Variants in MPDZ observed in about 807,000 individuals in gnomAD.
MPDZ encodes the protein multiple PDZ domain crumbs cell polarity complex component.
A neutral mutation model predicts 239.1 loss-of-function variants in MPDZ; 234 were observed. The observed-to-expected ratio is 0.98, with a 90% CI of 0.88 to 1.09. The LOEUF (loss-of-function observed/expected upper bound fraction) is 1.09, where lower values mean the gene tolerates loss of function less well. MPDZ is among the 50% of genes least tolerant of loss of function. The pLI is 0.00. For synonymous variants in MPDZ, 1,048 were observed against 881.3 expected (o/e 1.19, Z -3.35); for missense variants, 3,175 against 2,510.0 (o/e 1.26, Z -5.66).
rs1964199749 is a variant in MPDZ, at chr9:13,236,904, G to T, written c.183+10731C>A. Among the ~76,000 whole-genome samples, 3 of 150,660 alleles carry T rather than the reference G, an allele frequency of 2.0e-5. No homozygotes were observed. In the South Asian group the frequency reaches 6.3e-4, roughly 32 times the overall value. ...GAGATCCTAATTTCAAAAATAATGGGTTATTTTTTCAAATACGTTTGATCT... is the reference window on the plus strand; with the variant it reads ...GAGATCCTAATTTCAAAAATAATGGTTTATTTTTTCAAATACGTTTGATCT... On this transcript the variant is annotated intron_variant, in intron 3 of 46. Coordinates refer to ENST00000319217, the MANE Select transcript of MPDZ (RefSeq NM_001378778.1).
intron 1 of MPDZ, among the ~76,000 whole-genome samples, chr9:13,278,108 G>C (rs1248965743): frequency 1.3e-5 from 2 of 152,140 alleles, no homozygotes; most frequent in East Asian, 3.9e-4. Flanking sequence ...GAAACACGAA[G>C]GGGATGTTTA....
At chr9:13,127,040 T>C (rs1945225678) in intron 32 of MPDZ, among the ~76,000 whole-genome samples, 1 of 152,222 alleles carries the variant, frequency 6.6e-6, no homozygotes, top group Non-Finnish European at 1.5e-5. Flanking sequence ...TAGCAAAATA[T>C]CTAGACAGCA....
At chr9:13,121,083 C>CAT (rs1325919695) in intron 38 of MPDZ, among the ~76,000 whole-genome samples, 1 of 152,176 alleles carries the variant, frequency 6.6e-6, no homozygotes, top group Non-Finnish European at 1.5e-5. Flanking sequence ...AAAATGTACT[C>CAT]ATATACAAAT....
chr9:13,193,806 A>G (rs1426998841), intron 13 of MPDZ, among the ~76,000 whole-genome samples: 23 of 152,170 alleles, frequency 1.5e-4, no homozygotes, highest in Non-Finnish European at 7.3e-5. Context: ...AATATTAGAA[A>G]GCTGTTCATT....
chr9:13,115,328 G>C lies in MPDZ; in HGVS notation c.5386C>G (p.Leu1796Val). The change falls in exon 40 of 47, where the codon CTA (leucine) becomes GTA (valine). Residue 1796 changes from leucine (L) to valine (V), a missense_variant. Leu to Val is a conservative substitution (Grantham distance 32, BLOSUM62 1). Transcript: ENST00000319217. ...EAVAALLKCS[L>V]GTVTLEVGRI... The stretch of plus-strand genomic sequence containing the variant: ...CCAACTTCCAAGGTTACTGTGCCTA[G>C]GGAACACTGGGGGTGGGCATGGGGG... 6.2e-7 allele frequency: 1 copy of C among 1,612,382 alleles called. No individual in the cohort carries two copies. Among genetic ancestry groups the C allele is most frequent in the Non-Finnish European group, 8.5e-7 (1 of 1,179,576 alleles).
chr9:13,263,851 A>G (rs1056343352), intron 1 of MPDZ, among the ~76,000 whole-genome samples: 2 of 152,228 alleles, frequency 1.3e-5, no homozygotes, highest in Admixed American at 1.3e-4. Context: ...TAAAACTTAT[A>G]TATCTTCTAT....
Position 13,188,690 on chromosome 9 carries a change from C to T in MPDZ, c.2364+94G>A, listed in dbSNP as rs137881107. 428 of 1,022,468 alleles carry T rather than the reference C, an allele frequency of 4.2e-4. 2 individuals carry two copies. In the East Asian group the frequency reaches 4.4e-3, roughly 11 times the overall value. 63.3% of individuals were successfully genotyped at this position (1,022,468 alleles called of 1,614,324 possible). A position where few individuals can be genotyped will look rare whatever the true frequency, so the allele number is the denominator to read the frequency against. ...CGTTGATGAAAACTACTAAAAGTCA[C>T]GATTCAATCATGAGAACACCTAAAG... On this transcript the variant is annotated intron_variant, in intron 17 of 46. Transcript: ENST00000319217.
chr9:13,109,312 C>T (rs1183352742), intron 45 of MPDZ, among the ~76,000 whole-genome samples: 1 of 152,088 alleles, frequency 6.6e-6, no homozygotes, highest in Non-Finnish European at 1.5e-5. Context: ...CTTAAACTAA[C>T]ATATTCATGG....
At position 13,216,172 on chromosome 9, in the gene MPDZ, C is replaced by T. The variant is rs542669929; in HGVS notation, c.1290+602G>A. Among the ~76,000 whole-genome samples, 5 of 151,316 alleles carry T rather than the reference C, an allele frequency of 3.3e-5. No homozygotes were observed. The South Asian group carries it at 1.0e-3, about 32-fold the overall frequency. ...GTTTCAGGCTGCAGTCTGGGGAGTCCGGTATCAACTGAACACTGAAATTAA... is the reference window on the plus strand; with the variant it reads ...GTTTCAGGCTGCAGTCTGGGGAGTCTGGTATCAACTGAACACTGAAATTAA... On this transcript the variant is annotated intron_variant, in intron 10 of 46. Transcript: ENST00000319217.
At position 13,188,805 on chromosome 9, in the gene MPDZ, T is replaced by G. The variant is rs1034351784; in HGVS notation, c.2343A>C (p.Ile781=). 3 of 1,613,210 alleles carry G rather than the reference T, an allele frequency of 1.9e-6. No individual in the cohort carries two copies. In the African/African-American group the frequency reaches 4.0e-5, roughly 22 times the overall value. ...TTACGGGTAAAGGCTTAGCAACTCC[T>G]ATTCTCACAGTCCCTGACGGTGCTC... ...LKGAPSGTVR[I]GVAKPLPLSP... The change falls in exon 17 of 47, where the codon ATA becomes ATC. Residue 781 remains isoleucine (I), a synonymous_variant. Transcript: ENST00000319217.
At chr9:13,160,313 G>T (rs1202648128) in intron 23 of MPDZ, among the ~76,000 whole-genome samples, 1 of 152,104 alleles carries the variant, frequency 6.6e-6, no homozygotes, top group Non-Finnish European at 1.5e-5. Flanking sequence ...CACCAAAAAT[G>T]CATATCCATG....
At chr9:13,243,041 C>T (rs1393462305) in intron 3 of MPDZ, among the ~76,000 whole-genome samples, 2 of 152,072 alleles carry the variant, frequency 1.3e-5, no homozygotes, top group African/African-American at 4.8e-5. Flanking sequence ...AATCATTTCC[C>T]CCACCTCTGC....
chr9:13,150,772 A>T lies in MPDZ; in HGVS notation c.3453-84T>A, dbSNP rs556895211. 3 of 887,322 alleles carry T rather than the reference A, an allele frequency of 3.4e-6. No individual in the cohort carries two copies. In the South Asian group the frequency reaches 1.6e-4, roughly 49 times the overall value. 55.0% of individuals were successfully genotyped at this position (887,322 alleles called of 1,614,324 possible). On this transcript the variant is annotated intron_variant, in intron 24 of 46. Coordinates refer to ENST00000319217, the MANE Select transcript of MPDZ (RefSeq NM_001378778.1). ...ATGCTGAATTTGGCAATGATTTCTT[A>T]TATATAACACCAAAGGCACAGAGAA...
At chr9:13,245,411 G>GA (rs1177531449) in intron 3 of MPDZ, among the ~76,000 whole-genome samples, 14,646 of 108,652 alleles carry the variant, frequency 0.13, 904 homozygotes, top group Non-Finnish European at 0.17. Context: ...TTCTACCTTT[G>GA]AAAAAAAAAA....
chr9:13,221,566 A>G (rs1959097988), intron 6 of MPDZ, 66 bp from the exon 7 acceptor site: 2 of 1,534,604 alleles, frequency 1.3e-6, no homozygotes, highest in African/African-American at 2.8e-5. Context: ...ACATTACAGT[A>G]GAAATTTTTG....
chr9:13,264,837 G>T (rs1431236722), intron 1 of MPDZ, among the ~76,000 whole-genome samples: 1 of 152,166 alleles, frequency 6.6e-6, no homozygotes, highest in Non-Finnish European at 1.5e-5. Context: ...TGAGGGGAAA[G>T]ATTTAAGTTC....
rs142993924 is a variant in MPDZ, at chr9:13,222,201, T to G, written c.747+32A>C. 4.1e-3 allele frequency: 6,485 copies of G among 1,577,364 alleles called. 26 individuals are homozygous for G. The highest frequency in any genetic ancestry group is 5.2e-3 in the Non-Finnish European group (6,052 of 1,156,838). ...AACCAAAAACAACTTGAAAAATACG[T>G]TCTGTTCCTTTTGAAAATTTTAGGT... On this transcript the variant is annotated intron_variant, in intron 6 of 46. Transcript: ENST00000319217.
chr9:13,236,038 T>C (rs1451128535), intron 3 of MPDZ, among the ~76,000 whole-genome samples: 1 of 151,590 alleles, frequency 6.6e-6, no homozygotes, highest in African/African-American at 2.4e-5. Context: ...AGTGGATGAA[T>C]GAGGAGTTAA....
At chr9:13,122,268 A>T in intron 36 of MPDZ, 98 bp from the exon 37 acceptor site, 1 of 1,038,898 alleles carries the variant, frequency 9.6e-7, no homozygotes, top group Non-Finnish European at 1.4e-6. Flanking sequence ...ATAGACAGCA[A>T]TAAGGGTTAT....
Sources: gnomAD v4.1 joint callset for allele counts (sites outside exome capture counted in the v4.1 genomes callset) on GRCh38, gnomAD v4.1.1 for gene constraint, MANE v1.5 for transcripts, NCBI Gene and HGNC (gene_info 2026-07-23, HGNC 2026-07-21) for gene names.